LPP: variants seen among roughly 807,000 people sequenced by gnomAD.
LPP encodes the protein lipoma-preferred partner.
A neutral mutation model predicts 60.4 loss-of-function variants in LPP; 38 were observed. The ratio of observed to expected loss-of-function variants is 0.63; its 90% CI spans 0.49 to 0.83. The LOEUF is 0.83. Among genes scored for constraint, LPP ranks in the 40% least tolerant of loss-of-function variants. The pLI, the probability that LPP is intolerant of heterozygous loss-of-function variation, is 0.00. For missense variants in LPP, 902 were observed against 783.6 expected, an observed-to-expected ratio of 1.15 and a Z score of -1.80; for synonymous variants, 328 against 290.8, an observed-to-expected ratio of 1.13 and a Z score of -1.30.
intron 6 of LPP, among the ~76,000 whole-genome samples, chr3:188,555,259 G>A (rs757467876): frequency 6.6e-6 from 1 of 152,060 alleles, no homozygotes; most frequent in Non-Finnish European, 1.5e-5. Flanking sequence ...AGGTTAGGGA[G>A]GTAGCAGGGG....
chr3:188,486,237 T>A (rs373629538), intron 5 of LPP, among the ~76,000 whole-genome samples: 40 of 152,326 alleles, frequency 2.6e-4, no homozygotes, highest in East Asian at 2.3e-3. Context: ...TTCTTTCTCC[T>A]AAATTTGAGG....
intron 4 of LPP, among the ~76,000 whole-genome samples, chr3:188,480,269 A>G (rs1172168268): frequency 6.6e-6 from 1 of 152,178 alleles, no homozygotes; most frequent in Non-Finnish European, 1.5e-5. Flanking sequence ...GGAATACTTG[A>G]TTTGTCCAAC....
intron 7 of LPP, among the ~76,000 whole-genome samples, chr3:188,614,038 C>A (rs1560645607): frequency 2.0e-5 from 3 of 151,816 alleles, no homozygotes; most frequent in Non-Finnish European, 4.4e-5. Context: ...AGTGATTCTC[C>A]TGCCTCAGCC....
intron 7 of LPP, among the ~76,000 whole-genome samples, chr3:188,642,536 T>G (rs545459331): frequency 6.6e-6 from 1 of 152,310 alleles, no homozygotes; most frequent in South Asian, 2.1e-4. Context: ...TCAGAGTATT[T>G]TAGCTTTATC....
At chr3:188,339,055 A>C (rs554900295) in intron 2 of LPP, among the ~76,000 whole-genome samples, 1 of 152,124 alleles carries the variant, frequency 6.6e-6, no homozygotes, top group East Asian at 1.9e-4. Flanking sequence ...TTTCTCCAAA[A>C]TATAGTTGCT....
At chr3:188,505,555 C>T (rs1420553422) in intron 5 of LPP, among the ~76,000 whole-genome samples, 1 of 152,218 alleles carries the variant, frequency 6.6e-6, no homozygotes, top group Non-Finnish European at 1.5e-5. Flanking sequence ...TCATAGATAA[C>T]ACCTGCCTTT....
In LPP at chr3:188,371,641, A is replaced by ATTTT. The variant is rs1158606459; in HGVS notation, c.-10+29949_-10+29952dup. ...AATATATATATATATATATATATAT[A>ATTTT]TTTTTTTTTTTTTTTTTTTTTTTTT... On this transcript the variant is annotated intron_variant, in intron 3 of 11. Transcript: ENST00000617246. Among the ~76,000 whole-genome samples the ATTTT allele has an allele frequency of 1.0e-3, 33 of 32,176 alleles. 1 individual carries two copies. The highest frequency in any genetic ancestry group is 1.5e-3 in the African/African-American group (12 of 8,098). The allele number at this position is 32,176 out of a possible 152,430, so 21.1% of individuals were successfully genotyped here. A position where few individuals can be genotyped will look rare whatever the true frequency, so the allele number is the denominator to read the frequency against.
intron 1 of LPP, among the ~76,000 whole-genome samples, chr3:188,161,303 A>G (rs1487498193): frequency 6.6e-6 from 1 of 152,226 alleles, no homozygotes; most frequent in Non-Finnish European, 1.5e-5. Context: ...GAAGTATTCC[A>G]GGACAGGAGA....
chr3:188,664,547 G>A (rs983082612), intron 7 of LPP, among the ~76,000 whole-genome samples: 5 of 151,822 alleles, frequency 3.3e-5, no homozygotes, highest in Admixed American at 6.6e-5. Context: ...TTTACCCTTA[G>A]CATTTTCCTG....
intron 2 of LPP, among the ~76,000 whole-genome samples, chr3:188,341,452 C>CA (rs1763033330): frequency 1.3e-5 from 2 of 152,180 alleles, no homozygotes; most frequent in African/African-American, 4.8e-5. Flanking sequence ...TCCTTTCTGT[C>CA]CCTCTTTGAG....
At chr3:188,522,784 A>AATATAT (rs61033243) in intron 5 of LPP, among the ~76,000 whole-genome samples, 11,399 of 124,478 alleles carry the variant, frequency 0.092, 595 homozygotes, top group East Asian at 0.15. Context: ...GATAATATGA[A>AATATAT]ATATATATAT....
chr3:188,488,213 G>A (rs1384542610), intron 5 of LPP, among the ~76,000 whole-genome samples: 2 of 152,102 alleles, frequency 1.3e-5, no homozygotes, highest in African/African-American at 4.8e-5. Context: ...GAGATTCATT[G>A]CAGAGGGTTA....
At chr3:188,646,144 T>C (rs914533159) in intron 7 of LPP, among the ~76,000 whole-genome samples, 2 of 152,234 alleles carry the variant, frequency 1.3e-5, no homozygotes, top group African/African-American at 4.8e-5. Flanking sequence ...ATTATGGATA[T>C]TGTGTTTCAG....
chr3:188,654,832 A>G (rs112538390), intron 7 of LPP, among the ~76,000 whole-genome samples: 3 of 152,330 alleles, frequency 2.0e-5, no homozygotes, highest in South Asian at 2.1e-4. Context: ...CAGTGTCTTT[A>G]GTGAGTCAGA....
intron 1 of LPP, among the ~76,000 whole-genome samples, chr3:188,169,404 A>G (rs9816875): frequency 0.27 from 41,187 of 152,100 alleles, 7,157 homozygotes; most frequent in South Asian, 0.46. Context: ...CCCTGCTCTT[A>G]AAGAGGACAC....
chr3:188,746,976 T>C (rs941258596), intron 8 of LPP, among the ~76,000 whole-genome samples: 1 of 152,200 alleles, frequency 6.6e-6, no homozygotes, highest in African/African-American at 2.4e-5. Flanking sequence ...AAATTTAGTT[T>C]GTGTGTTTAT....
intron 1 of LPP, among the ~76,000 whole-genome samples, chr3:188,219,953 C>A (rs902005319): frequency 6.6e-6 from 1 of 152,188 alleles, no homozygotes. Context: ...CTCTCCCATC[C>A]ATTAGAAGTG....
chr3:188,854,042 G>A (rs933387290), intron 9 of LPP, among the ~76,000 whole-genome samples: 9 of 152,154 alleles, frequency 5.9e-5, no homozygotes, highest in Non-Finnish European at 1.3e-4. Flanking sequence ...CCAGGAAAGT[G>A]TTAGTTCACT....
At chr3:188,638,420 C>G (rs1287610719) in intron 7 of LPP, among the ~76,000 whole-genome samples, 2 of 142,794 alleles carry the variant, frequency 1.4e-5, no homozygotes, top group Non-Finnish European at 3.1e-5. Flanking sequence ...ACTGAATGGG[C>G]AAAAACTGGA....
Sources: allele counts gnomAD v4.1 joint callset (sites outside exome capture counted in the v4.1 genomes callset), GRCh38; gene constraint gnomAD v4.1.1; transcripts MANE v1.5; gene names NCBI Gene and HGNC (gene_info 2026-07-23, HGNC 2026-07-21).